DNAH5: variants seen among roughly 807,000 people sequenced by gnomAD.
DNAH5 encodes the protein axonemal beta dynein heavy chain 5.
Under a neutral mutation model 518.2 loss-of-function variants are expected in DNAH5, and 372 were observed. The ratio of observed to expected loss-of-function variants is 0.72; its 90% CI spans 0.66 to 0.78. The LOEUF (loss-of-function observed/expected upper bound fraction) is 0.78. Among genes scored for constraint, DNAH5 ranks in the 30% least tolerant of loss-of-function variants. The pLI is 0.00. For missense variants in DNAH5, 5,523 were observed against 5,687.0 expected, an observed-to-expected ratio of 0.97 and a Z score of 0.93; for synonymous variants, 2,039 against 2,025.9, an observed-to-expected ratio of 1.01 and a Z score of -0.17.
At chr5:13,777,936 A>G (rs754366522) in intron 53 of DNAH5, among the ~76,000 whole-genome samples, 3 of 152,188 alleles carry the variant, frequency 2.0e-5, no homozygotes, top group Non-Finnish European at 4.4e-5. Context: ...AAGGTTCTCT[A>G]ATTACCCAAA....
intron 59 of DNAH5, among the ~76,000 whole-genome samples, chr5:13,764,846 T>C (rs187565713): frequency 6.6e-6 from 1 of 152,260 alleles, no homozygotes; most frequent in East Asian, 1.9e-4. Flanking sequence ...TGTTTCACAC[T>C]GGTGCTGGTT....
intron 40 of DNAH5, 96 bp downstream of exon 40, chr5:13,823,167 A>G: frequency 5.9e-6 from 5 of 850,000 alleles, no homozygotes; most frequent in Non-Finnish European, 1.0e-5. Context: ...TTTGCTGCTC[A>G]GAGTGCATAG....
At chr5:13,988,725 A>ACCTTTTT (rs1783248440) in intron 1 of DNAH5, among the ~76,000 whole-genome samples, 1 of 90,338 alleles carries the variant, frequency 1.1e-5, no homozygotes, top group African/African-American at 4.1e-5. Context: ...CCCAGCCCAA[A>ACCTTTTT]TCTTTTTTTT....
chr5:13,868,083 C>A, intron 24 of DNAH5, 91 bp from the exon 25 acceptor site: 1 of 1,020,762 alleles, frequency 9.8e-7, no homozygotes, highest in South Asian at 1.4e-5. Context: ...TGGAAAATAC[C>A]AGAATAATAG....
intron 45 of DNAH5, 103 bp downstream of exon 45, chr5:13,809,953 CAAT>C (rs1170605173): frequency 3.6e-5 from 42 of 1,161,352 alleles, no homozygotes; most frequent in African/African-American, 7.6e-5. Flanking sequence ...ATCTTACAGC[CAAT>C]AATTATAAAT....
At chr5:13,962,124 A>G in intron 1 of DNAH5, among the ~76,000 whole-genome samples, 1 of 152,310 alleles carries the variant, frequency 6.6e-6, no homozygotes, top group Middle Eastern at 3.4e-3. Flanking sequence ...AATCAAGGTA[A>G]AAATATATCC....
intron 66 of DNAH5, among the ~76,000 whole-genome samples, chr5:13,736,418 G>C (rs1199185652): frequency 6.6e-6 from 1 of 151,920 alleles, no homozygotes; most frequent in Non-Finnish European, 1.5e-5. Context: ...TGTTGATACG[G>C]AGTTTTGCTC....
chr5:13,782,651 G>A (rs761486878), intron 52 of DNAH5, among the ~76,000 whole-genome samples: 5 of 152,194 alleles, frequency 3.3e-5, no homozygotes, highest in Non-Finnish European at 5.9e-5. Flanking sequence ...TTTGATGTAG[G>A]TGGATATATC....
At chr5:13,740,924 C>T (rs79109866) in intron 65 of DNAH5, among the ~76,000 whole-genome samples, 329 of 152,268 alleles carry the variant, frequency 2.2e-3, no homozygotes, top group African/African-American at 7.5e-3. Context: ...ATGTTATGCT[C>T]CAGGGATAGT....
Position 13,762,841 on chromosome 5 carries a change from T to C in DNAH5, c.10162A>G (p.Met3388Val). The change falls in exon 60 of 79, where the codon ATG becomes GTG. Residue 3388 changes from methionine to valine, a missense_variant. Coordinates refer to ENST00000265104, the MANE Select transcript of DNAH5 (RefSeq NM_001369.3). The stretch of plus-strand genomic sequence containing the variant: ...GCAGTTTCGATGTTATAGTCAGGCA[T>C]TTCAAAGTAAGGACTCAAAAATTCT... ...VIEFLSPYFE[M>V]PDYNIETAKR... 1 of 1,614,108 alleles carries C rather than the reference T, an allele frequency of 6.2e-7. No individual in the cohort carries two copies. The highest frequency in any genetic ancestry group is 8.5e-7 in the Non-Finnish European group (1 of 1,179,914).
intron 41 of DNAH5, among the ~76,000 whole-genome samples, chr5:13,818,459 T>A (rs1761765832): frequency 6.6e-6 from 1 of 152,240 alleles, no homozygotes; most frequent in Non-Finnish European, 1.5e-5. Context: ...TAGCCAGGCA[T>A]GGCGGAAGTG....
chr5:13,856,720 A>G (rs66843424), intron 30 of DNAH5, among the ~76,000 whole-genome samples: 57,547 of 152,032 alleles, frequency 0.38, 11,114 homozygotes, highest in South Asian at 0.47. Flanking sequence ...ACATATGCAA[A>G]TAAACATAAT....
chr5:13,836,584 A>C (rs765857323), intron 35 of DNAH5, among the ~76,000 whole-genome samples: 12 of 152,152 alleles, frequency 7.9e-5, no homozygotes, highest in Non-Finnish European at 1.6e-4. Context: ...TCCAGGAAAA[A>C]ACACTGGATT....
At chr5:13,945,918 T>C (rs1779874058), upstream of DNAH5, among the ~76,000 whole-genome samples, 1 of 152,170 alleles carries the variant, frequency 6.6e-6, no homozygotes, top group African/African-American at 2.4e-5. Flanking sequence ...AGGATATTTG[T>C]TGAAGTCAAC....
chr5:13,868,091 T>C (rs1436957738), intron 24 of DNAH5, 99 bp from the exon 25 acceptor site: 1 of 929,988 alleles, frequency 1.1e-6, no homozygotes. Flanking sequence ...ACCAGAATAA[T>C]AGTGAAACTA....
intron 9 of DNAH5, among the ~76,000 whole-genome samples, chr5:13,915,740 T>G (rs1007528529): frequency 1.4e-4 from 21 of 152,288 alleles, no homozygotes; most frequent in Admixed American, 4.6e-4. Context: ...AGATTTTTGC[T>G]TTGATAATGA....
At chr5:13,814,426 A>G (rs1423939266) in intron 43 of DNAH5, among the ~76,000 whole-genome samples, 179 bp downstream of exon 43, 1 of 152,246 alleles carries the variant, frequency 6.6e-6, no homozygotes, top group Non-Finnish European at 1.5e-5. Context: ...AGAGTAATGA[A>G]GAAATATGTT....
At chr5:13,927,321 G>A (rs1198729810) in intron 3 of DNAH5, among the ~76,000 whole-genome samples, 2 of 151,970 alleles carry the variant, frequency 1.3e-5, no homozygotes, top group Non-Finnish European at 2.9e-5. Context: ...CTGAAACCCC[G>A]TCTCTACTGA....
chr5:13,703,378 C>CA (rs932852955), intron 76 of DNAH5, among the ~76,000 whole-genome samples: 1 of 136,134 alleles, frequency 7.3e-6, no homozygotes, highest in Non-Finnish European at 1.6e-5. Flanking sequence ...AACTGAGGCA[C>CA]AACAAGGCAA....
Sources: allele counts gnomAD v4.1 joint callset (sites outside exome capture counted in the v4.1 genomes callset), GRCh38; gene constraint gnomAD v4.1.1; transcripts MANE v1.5; gene names NCBI Gene and HGNC (gene_info 2026-07-23, HGNC 2026-07-21).